Variants in CDH6 observed in about 807,000 individuals in gnomAD.
CDH6 encodes cadherin-6.
Under a neutral mutation model 78.0 loss-of-function variants are expected in CDH6, and 31 were observed. That is an observed-to-expected ratio of 0.40 (90% CI 0.30 to 0.54). The LOEUF (loss-of-function observed/expected upper bound fraction) is 0.54, where lower values mean the gene tolerates loss of function less well. CDH6 is among the 20% of genes least tolerant of loss of function. The pLI, the probability that CDH6 is intolerant of heterozygous loss-of-function variation, is 0.56. For missense variants in CDH6, 724 were observed against 975.9 expected, an observed-to-expected ratio of 0.74 and a Z score of 3.44; for synonymous variants, 376 against 368.8, an observed-to-expected ratio of 1.02 and a Z score of -0.23.
intron 2 of CDH6, among the ~76,000 whole-genome samples, chr5:31,292,795 A>G (rs539626961): frequency 1.1e-4 from 15 of 142,132 alleles, no homozygotes; most frequent in African/African-American, 3.6e-4. Context: ...ATGTATATAT[A>G]TGTGTGTGCA....
chr5:31,217,934 A>G (rs1212807011), intron 1 of CDH6, among the ~76,000 whole-genome samples: 1 of 152,204 alleles, frequency 6.6e-6, no homozygotes, highest in African/African-American at 2.4e-5. Flanking sequence ...AGATACAGTT[A>G]AAAATTGAAT....
rs1737519437 is a variant in CDH6, at chr5:31,294,342, A to G, written c.523+86A>G. On this transcript the variant is annotated intron_variant, in intron 3 of 11. Coordinates refer to ENST00000265071, the MANE Select transcript of CDH6 (RefSeq NM_004932.4). The surrounding 1 kb of genome is among the most constrained non-coding windows in gnomAD (Gnocchi z 4.1). The stretch of plus-strand genomic sequence containing the variant: ...GAATCCCACGAGCTCAAAGTACTGA[A>G]CTGCATGAATTTAGATGCTAACTTC... 9.4e-6 allele frequency: 10 copies of G among 1,068,202 alleles called. No homozygotes were observed. Among genetic ancestry groups the G allele is most frequent in the Middle Eastern group, 4.2e-4 (2 of 4,746 alleles). 66.2% of individuals were successfully genotyped at this position (1,068,202 alleles called of 1,614,324 possible).
intron 1 of CDH6, among the ~76,000 whole-genome samples, chr5:31,233,705 C>T (rs192470716): frequency 9.9e-4 from 151 of 152,222 alleles, no homozygotes; most frequent in African/African-American, 3.4e-3. Flanking sequence ...TGGAAACTTC[C>T]GCCAGTTCTT....
intron 1 of CDH6, among the ~76,000 whole-genome samples, chr5:31,229,148 T>A (rs1221481781): frequency 6.6e-6 from 1 of 152,120 alleles, no homozygotes; most frequent in African/African-American, 2.4e-5. Context: ...AACACAGCCC[T>A]CAAGCTCTAC....
chr5:31,319,422 C>A (rs1337449063), intron 11 of CDH6, among the ~76,000 whole-genome samples: 1 of 152,212 alleles, frequency 6.6e-6, no homozygotes, highest in Non-Finnish European at 1.5e-5. Context: ...AGATGCTGTG[C>A]AAGATGCTTT....
At chr5:31,198,776 T>A (rs1740240053) in intron 1 of CDH6, among the ~76,000 whole-genome samples, 1 of 152,134 alleles carries the variant, frequency 6.6e-6, no homozygotes, top group Non-Finnish European at 1.5e-5. Flanking sequence ...TTATAAATAG[T>A]GCTACTGTTA....
chr5:31,263,152 G>A (rs1742252961), intron 1 of CDH6, among the ~76,000 whole-genome samples: 1 of 152,126 alleles, frequency 6.6e-6, no homozygotes, highest in East Asian at 1.9e-4. Context: ...TAAGTGCAAG[G>A]TCGAGGTGCC....
At chr5:31,261,554 A>G (rs1742212567) in intron 1 of CDH6, among the ~76,000 whole-genome samples, 1 of 152,168 alleles carries the variant, frequency 6.6e-6, no homozygotes, top group Non-Finnish European at 1.5e-5. Context: ...AGGTTGTAAA[A>G]CATTCTCTTA....
intron 1 of CDH6, among the ~76,000 whole-genome samples, chr5:31,222,560 C>A (rs1741032789): frequency 6.6e-6 from 1 of 152,112 alleles, no homozygotes; most frequent in Non-Finnish European, 1.5e-5. Flanking sequence ...CAATTAGAAT[C>A]ATCTCCTGGG....
chr5:31,309,285 A>G (rs954812288), intron 7 of CDH6, among the ~76,000 whole-genome samples: 32 of 152,138 alleles, frequency 2.1e-4, no homozygotes, highest in African/African-American at 7.7e-4. Context: ...CACTCACTAG[A>G]TAACAAAAAT....
At chr5:31,202,495 G>C (rs1038404836) in intron 1 of CDH6, among the ~76,000 whole-genome samples, 1 of 151,964 alleles carries the variant, frequency 6.6e-6, no homozygotes, top group African/African-American at 2.4e-5. Context: ...AACTTAGCCA[G>C]ATATGGTGGC....
chr5:31,271,735 T>G (rs926473394), intron 2 of CDH6, among the ~76,000 whole-genome samples: 2 of 152,074 alleles, frequency 1.3e-5, no homozygotes, highest in African/African-American at 4.8e-5. Flanking sequence ...TTAGCTTGAG[T>G]GGCATCTGTG....
intron 4 of CDH6, among the ~76,000 whole-genome samples, chr5:31,299,252 G>C (rs1579896404): frequency 6.6e-6 from 1 of 151,636 alleles, no homozygotes; most frequent in Non-Finnish European, 1.5e-5. Flanking sequence ...TATTCTCCTT[G>C]TATTACAGGC....
At chr5:31,208,169 G>A (rs887983911) in intron 1 of CDH6, among the ~76,000 whole-genome samples, 1 of 152,156 alleles carries the variant, frequency 6.6e-6, no homozygotes, top group Non-Finnish European at 1.5e-5. Context: ...ATATAATGGA[G>A]AGCATGTTTA....
chr5:31,265,654 C>G (rs1742321549), intron 1 of CDH6, among the ~76,000 whole-genome samples: 1 of 151,850 alleles, frequency 6.6e-6, no homozygotes, highest in Non-Finnish European at 1.5e-5. Context: ...TTACCTAAAA[C>G]ATGTTCTTGA....
At chr5:31,208,247 G>A (rs1386958087) in intron 1 of CDH6, among the ~76,000 whole-genome samples, 1 of 152,192 alleles carries the variant, frequency 6.6e-6, no homozygotes, top group African/African-American at 2.4e-5. Context: ...TATGCCCTGA[G>A]CCCTGGATTC....
chr5:31,241,983 A>G (rs1741615685), intron 1 of CDH6, among the ~76,000 whole-genome samples: 1 of 152,262 alleles, frequency 6.6e-6, no homozygotes, highest in Middle Eastern at 3.4e-3. Context: ...CTTGGCCCCT[A>G]TTGCAAAGCA....
intron 1 of CDH6, among the ~76,000 whole-genome samples, chr5:31,202,750 A>G (rs986704720): frequency 4.0e-5 from 6 of 151,400 alleles, no homozygotes; most frequent in South Asian, 2.1e-4. Context: ...GCGTGTATAT[A>G]TGTAACATAT....
chr5:31,285,125 T>G (rs1234883574), intron 2 of CDH6, among the ~76,000 whole-genome samples: 2 of 152,234 alleles, frequency 1.3e-5, no homozygotes, highest in African/African-American at 2.4e-5. Flanking sequence ...CATCTTTCCT[T>G]GCACATTTGA....
Sources: allele counts gnomAD v4.1 joint callset (sites outside exome capture counted in the v4.1 genomes callset), GRCh38; gene constraint gnomAD v4.1.1; non-coding constraint Gnocchi (gnomAD v3.1); transcripts MANE v1.5; gene names NCBI Gene and HGNC (gene_info 2026-07-23, HGNC 2026-07-21).